The following SBNO2 variants were observed in gnomAD, a reference collection of about 807,000 sequenced individuals.
The protein encoded by SBNO2 is strawberry notch homolog 2.
A neutral mutation model predicts 146.3 loss-of-function variants in SBNO2; 89 were observed. The ratio of observed to expected loss-of-function variants is 0.61; its 90% confidence interval spans 0.51 to 0.73. The LOEUF (loss-of-function observed/expected upper bound fraction) is 0.73. SBNO2 is among the 30% of genes least tolerant of loss of function. The pLI is 0.00. For missense variants in SBNO2, 2,092 were observed against 2,003.7 expected (o/e 1.04, Z -0.84); for synonymous variants, 1,147 against 892.6 (o/e 1.29, Z -5.08).
chr19:1,126,739 C>T lies in SBNO2; in HGVS notation c.441+865G>A, dbSNP rs1322743404. ...GTGCGGAGGCTGGCATGGGCCCTCA[C>T]CGGAAGGCGCTCAGTCCCAGAGACA... On this transcript the variant is annotated intron_variant, in intron 5 of 31. Coordinates refer to ENST00000361757, the MANE Select transcript of SBNO2 (RefSeq NM_014963.3). The surrounding 1 kb of genome is among the most constrained non-coding windows in gnomAD (Gnocchi z 4.4). Among the ~76,000 whole-genome samples the T allele has an allele frequency of 2.6e-5, 4 of 152,196 alleles. No homozygotes were observed. The highest frequency in any genetic ancestry group is 6.5e-5 in the Admixed American group (1 of 15,280).
Position 1,122,478 on chromosome 19 carries a change from G to A in SBNO2, c.995C>T (p.Ala332Val), listed in dbSNP as rs772178886. ...GAGCACAGCCCCTACCTTGCTGAGC[G>A]CGTGCACCGCGATGCCCGTGGCTTC... is the stretch of plus-strand genomic sequence containing the variant. ...DIEATGIAVH[A>V]LSKIKYGDTT... The change falls in exon 10 of 32, where the codon GCG (alanine) becomes GTG (valine). Residue 332 changes from alanine (A) to valine (V), a missense_variant. Physicochemically the swap from Ala to Val is moderately conservative, Grantham distance 64. Transcript: ENST00000361757. The A allele has an allele frequency of 7.6e-6, 12 of 1,571,938 alleles. No individual in the cohort carries two copies. The Admixed American group carries it at 9.1e-5, about 12-fold the overall frequency.
chr19:1,128,153 T>TA (rs759831385), intron 4 of SBNO2: 6 of 472,696 alleles, frequency 1.3e-5, no homozygotes. Flanking sequence ...AAGAAAAAAA[T>TA]AAACAAGCAA....
intron 19 of SBNO2, 83 bp from the exon 20 acceptor site, chr19:1,113,032 G>A: frequency 1.4e-6 from 2 of 1,455,128 alleles, no homozygotes; most frequent in Non-Finnish European, 1.8e-6. Flanking sequence ...GCTTCCCTAT[G>A]TCCTACAGTG....
rs746256549 is a variant in SBNO2, at chr19:1,136,511, G to A, written c.280-8746C>T. On this transcript the variant is annotated intron_variant, in intron 4 of 31. Transcript: ENST00000361757. This position sits in a 1 kb window ranked among gnomAD's most constrained non-coding sequence, Gnocchi z 4.2. ...CCTCCTGCACCTGCCCAGGCCCTGG[G>A]CGGAGGCTCCTCCTCCCGGGGGGGC... Among the ~76,000 whole-genome samples the A allele has an allele frequency of 2.0e-5, 3 of 152,212 alleles. No individual in the cohort carries two copies. Among genetic ancestry groups the A allele is most frequent in the Non-Finnish European group, 4.4e-5 (3 of 68,030 alleles).
chr19:1,109,907 C>T lies in SBNO2; in HGVS notation c.3029-130G>A. On this transcript the variant is annotated intron_variant, in intron 26 of 31. Transcript: ENST00000361757. The surrounding 1 kb of genome is among the most constrained non-coding windows in gnomAD (Gnocchi z 4.2). ...AGCACAGGAGAGGGTGTCCTGGATC[C>T]TGGCCTGACCTGGCCCAGCGTGGGG... 2 of 668,112 alleles carry T rather than the reference C, an allele frequency of 3.0e-6. No homozygotes were observed. Among genetic ancestry groups the T allele is most frequent in the Admixed American group, 5.9e-5 (2 of 33,982 alleles). The allele number at this position is 668,112 out of a possible 1,614,324, so 41.4% of individuals were successfully genotyped here.
In SBNO2 at chr19:1,127,739, G is replaced by A. The variant is rs1475519894; in HGVS notation, c.306C>T (p.Ser102=). ...AQDSSYFEDF[S]NISIFSSSVD... ...CGGACGAGGAGAAGATGGAGATGTT[G>A]GAGAAGTCCTCAAAATAGGAGGAGT... is the stretch of plus-strand genomic sequence containing the variant. Residue 102 remains serine (S), a synonymous_variant, in exon 5 of 32, where the codon TCC becomes TCT. Coordinates refer to ENST00000361757, the MANE Select transcript of SBNO2 (RefSeq NM_014963.3). 1.2e-6 allele frequency: 2 copies of A among 1,613,618 alleles called. No individual in the cohort carries two copies. The highest frequency in any genetic ancestry group is 1.7e-6 in the Non-Finnish European group (2 of 1,179,828).
At chr19:1,166,647 A>ACG (rs1555729401) in intron 1 of SBNO2, among the ~76,000 whole-genome samples, 1 of 135,216 alleles carries the variant, frequency 7.4e-6, no homozygotes, top group African/African-American at 2.8e-5. Flanking sequence ...ACACACACAC[A>ACG]CACGCTAAAA....
rs867864851 is a variant in SBNO2 at position 1,114,378 on chromosome 19, C to T, written c.1930G>A (p.Glu644Lys). Reference protein sequence around the residue: ...RGAKAPRLACETAGVIRISDD... With the variant: ...RGAKAPRLACKTAGVIRISDD... ...CTGATGCGGATGACGCCCGCTGTCTCGCACGCCAGCCGGGGGGCTTTGGCC... is the reference window on the plus strand; with the variant it reads ...CTGATGCGGATGACGCCCGCTGTCTTGCACGCCAGCCGGGGGGCTTTGGCC... Residue 644 changes from glutamate to lysine, a missense_variant, in exon 18 of 32, where the codon GAG (glutamate) becomes AAG (lysine). Coordinates refer to ENST00000361757, the MANE Select transcript of SBNO2 (RefSeq NM_014963.3). The T allele has an allele frequency of 1.9e-6, 3 of 1,554,004 alleles. No homozygotes were observed. Among genetic ancestry groups the T allele is most frequent in the Non-Finnish European group, 1.7e-6 (2 of 1,148,758 alleles).
At chr19:1,121,241 G>C (rs1390003205) in intron 11 of SBNO2, among the ~76,000 whole-genome samples, 1 of 152,246 alleles carries the variant, frequency 6.6e-6, no homozygotes, top group Non-Finnish European at 1.5e-5. Flanking sequence ...AAAGCAGTCT[G>C]AGGAAGGAAA....
At position 1,109,816 on chromosome 19, in the gene SBNO2, G is replaced by A. The variant is rs1364992663; in HGVS notation, c.3029-39C>T. On this transcript the variant is annotated intron_variant, in intron 26 of 31. Coordinates refer to ENST00000361757, the MANE Select transcript of SBNO2 (RefSeq NM_014963.3). The surrounding 1 kb of genome is among the most constrained non-coding windows in gnomAD (Gnocchi z 4.2). Reference sequence around the variant, plus strand: ...TGGAGGGTAAGTGGTGTCCAGGCCTGGGACTGTGGGCTGGGGCCAGGGTCA... The same window carrying A: ...TGGAGGGTAAGTGGTGTCCAGGCCTAGGACTGTGGGCTGGGGCCAGGGTCA... The A allele has an allele frequency of 6.8e-7, 1 of 1,472,848 alleles. No individual in the cohort carries two copies. Among genetic ancestry groups the A allele is most frequent in the East Asian group, 2.3e-5 (1 of 43,780 alleles). 91.2% of individuals were successfully genotyped at this position (1,472,848 alleles called of 1,614,324 possible). A position where few individuals can be genotyped will look rare whatever the true frequency, so the allele number is the denominator to read the frequency against.
At chr19:1,149,088 A>C (rs1407135833) in intron 3 of SBNO2, among the ~76,000 whole-genome samples, 1 of 98,346 alleles carries the variant, frequency 1.0e-5, no homozygotes, top group Non-Finnish European at 2.2e-5. Flanking sequence ...TCACCTCCAC[A>C]GGAGGCCCCC....
rs1445127700 is a variant in SBNO2, at chr19:1,108,953, G to A, written c.3442C>T (p.Leu1148=). ...SHSAWNRHCR[L]AQEGKDCLQG... ...AGGCAGTCCTTACCCTCCTGCGCCAGCCGGCAGTGCCGGTTCCTGCGGACG... is the reference window on the plus strand; with the variant it reads ...AGGCAGTCCTTACCCTCCTGCGCCAACCGGCAGTGCCGGTTCCTGCGGACG... Residue 1148 remains leucine (L), a synonymous_variant, in exon 31 of 32, where the codon CTG becomes TTG. Coordinates refer to ENST00000361757, the MANE Select transcript of SBNO2 (RefSeq NM_014963.3). 6 of 1,541,902 alleles carry A rather than the reference G, an allele frequency of 3.9e-6. No homozygotes were observed. The highest frequency in any genetic ancestry group is 1.4e-5 in the African/African-American group (1 of 73,064).
chr19:1,150,758 C>T lies in SBNO2; in HGVS notation c.94-1316G>A, dbSNP rs928174982. ...GCAATTCCCTGGGGCTCGGCCACCTCTGCCCCTCATTCACCTCACACTGGC... is the reference window on the plus strand; with the variant it reads ...GCAATTCCCTGGGGCTCGGCCACCTTTGCCCCTCATTCACCTCACACTGGC... On this transcript the variant is annotated intron_variant, in intron 2 of 31. Transcript: ENST00000361757. The surrounding 1 kb of genome is among the most constrained non-coding windows in gnomAD (Gnocchi z 6.2). Among the ~76,000 whole-genome samples the T allele has an allele frequency of 6.6e-6, 1 of 152,182 alleles. No individual in the cohort carries two copies. The highest frequency in any genetic ancestry group is 2.4e-5 in the African/African-American group (1 of 41,454).
At position 1,154,419 on chromosome 19, in the gene SBNO2, G is replaced by C; in HGVS notation, c.-126-17C>G. 2.4e-6 allele frequency: 1 copy of C among 412,504 alleles called. No homozygotes were observed. Among genetic ancestry groups the C allele is most frequent in the Non-Finnish European group, 4.1e-6 (1 of 241,208 alleles). 25.6% of individuals were successfully genotyped at this position (412,504 alleles called of 1,614,324 possible). ...CATCATGATCTGCAGAGGGAGACGGGGACGTCCTGAGAGTCCAACGGTGGT... is the reference window on the plus strand; with the variant it reads ...CATCATGATCTGCAGAGGGAGACGGCGACGTCCTGAGAGTCCAACGGTGGT... On this transcript the variant is annotated splice_polypyrimidine_tract_variant and intron_variant, in intron 1 of 31. Transcript: ENST00000361757.
intron 1 of SBNO2, among the ~76,000 whole-genome samples, chr19:1,162,532 C>T: frequency 6.6e-6 from 1 of 151,810 alleles, no homozygotes; most frequent in Non-Finnish European, 1.5e-5. Flanking sequence ...AATCTGGCTT[C>T]CTCTCACCCA....
At chr19:1,152,881 G>A (rs1213202810) in intron 2 of SBNO2, among the ~76,000 whole-genome samples, 4 of 152,178 alleles carry the variant, frequency 2.6e-5, no homozygotes, top group Admixed American at 1.3e-4. Flanking sequence ...GGCCGGGCGC[G>A]GTGGCTCACG....
Position 1,127,628 on chromosome 19 carries a change from G to A in SBNO2, c.417C>T (p.Asn139=), listed in dbSNP as rs377154278. The part of the protein sequence containing the change: ...LNQVSTIWDD[N]PAPSTHDKLF... ...CCTTATCGTGGGTGGAGGGGGCAGG[G>A]TTATCGTCCCAGATGGTGGACACCT... Residue 139 remains asparagine (N), a synonymous_variant, in exon 5 of 32, where the codon AAC becomes AAT. Coordinates refer to ENST00000361757, the MANE Select transcript of SBNO2 (RefSeq NM_014963.3). 55 of 1,613,104 alleles carry A rather than the reference G, an allele frequency of 3.4e-5. No homozygotes were observed. Among genetic ancestry groups the A allele is most frequent in the Non-Finnish European group, 4.7e-5 (55 of 1,179,872 alleles).
At chr19:1,142,841 C>A (rs2080153957) in intron 4 of SBNO2, among the ~76,000 whole-genome samples, 1 of 152,134 alleles carries the variant, frequency 6.6e-6, no homozygotes, top group Admixed American at 6.5e-5. Context: ...GTGGTGGGTG[C>A]CTGTAGTCCC....
chr19:1,172,664 G>A (rs566825215), intron 1 of SBNO2, among the ~76,000 whole-genome samples: 4 of 152,146 alleles, frequency 2.6e-5, no homozygotes, highest in African/African-American at 7.2e-5. Flanking sequence ...TGTAATCCCC[G>A]TGTAATCGGG....
Sources: gnomAD v4.1 joint callset for allele counts (sites outside exome capture counted in the v4.1 genomes callset) on GRCh38, gnomAD v4.1.1 for gene constraint, Gnocchi (gnomAD v3.1) non-coding constraint, MANE v1.5 for transcripts, NCBI Gene and HGNC (gene_info 2026-07-23, HGNC 2026-07-21) for gene names.